The following ANKS1B variants were observed in gnomAD, a reference collection of about 807,000 sequenced individuals.
The protein encoded by ANKS1B is ankyrin repeat and sterile alpha motif domain-containing protein 1B.
In ANKS1B, 36 loss-of-function variants were observed where a neutral mutation model predicts 148.3. The observed-to-expected ratio is 0.24, with a 90% confidence interval of 0.19 to 0.32. The LOEUF (loss-of-function observed/expected upper bound fraction) is 0.32, where lower values mean the gene tolerates loss of function less well. Ranked by LOEUF, ANKS1B falls within the 10% of genes least tolerant of loss-of-function variation. The pLI, the probability that ANKS1B is intolerant of heterozygous loss-of-function variation, is 1.00. For synonymous variants in ANKS1B, 542 were observed against 560.8 expected (o/e 0.97, Z 0.47); for missense variants, 1,157 against 1,542.6 (o/e 0.75, Z 4.19).
chr12:99,975,618 C>T (rs747095867), intron 1 of ANKS1B, among the ~76,000 whole-genome samples: 18 of 152,112 alleles, frequency 1.2e-4, no homozygotes, highest in Non-Finnish European at 1.9e-4. Context: ...TGTATGTCTT[C>T]TTTTGAGAAA....
At chr12:99,839,597 T>C (rs971620574) in intron 1 of ANKS1B, among the ~76,000 whole-genome samples, 20 of 152,192 alleles carry the variant, frequency 1.3e-4, no homozygotes, top group African/African-American at 4.8e-4. Flanking sequence ...AATTATTTTC[T>C]TTAACATACT....
chr12:99,968,475 G>A (rs535305090), intron 1 of ANKS1B, among the ~76,000 whole-genome samples: 14 of 152,214 alleles, frequency 9.2e-5, no homozygotes, highest in East Asian at 3.9e-4. Flanking sequence ...GGAGAATGGC[G>A]TGAACCCTGG....
At chr12:98,842,603 G>GA (rs1472544482) in intron 17 of ANKS1B, among the ~76,000 whole-genome samples, 1 of 152,100 alleles carries the variant, frequency 6.6e-6, no homozygotes, top group African/African-American at 2.4e-5. Flanking sequence ...AGTTGTTTTT[G>GA]AAAAAAGAAT....
At chr12:99,759,094 T>C (rs903328346) in intron 8 of ANKS1B, among the ~76,000 whole-genome samples, 1 of 151,914 alleles carries the variant, frequency 6.6e-6, no homozygotes, top group Non-Finnish European at 1.5e-5. Flanking sequence ...TTTATTCCCT[T>C]GACTAAGCAT....
At chr12:99,727,073 C>T (rs2058689179) in intron 8 of ANKS1B, among the ~76,000 whole-genome samples, 2 of 152,210 alleles carry the variant, frequency 1.3e-5, no homozygotes, top group Non-Finnish European at 2.9e-5. Context: ...CCTTTGAAAA[C>T]TGGTGCAAGA....
intron 14 of ANKS1B, among the ~76,000 whole-genome samples, chr12:99,236,494 G>A (rs1420999105): frequency 6.6e-6 from 1 of 152,142 alleles, no homozygotes; most frequent in Non-Finnish European, 1.5e-5. Flanking sequence ...AGACCATCAG[G>A]TCTCGTGAGA....
intron 17 of ANKS1B, among the ~76,000 whole-genome samples, chr12:98,990,359 A>AT (rs2099925855): frequency 6.6e-6 from 1 of 151,700 alleles, no homozygotes; most frequent in Non-Finnish European, 1.5e-5. Flanking sequence ...CCAACAAATG[A>AT]TTTTTAACTT....
chr12:99,078,300 A>AAT (rs1484598926), intron 16 of ANKS1B, among the ~76,000 whole-genome samples: 1 of 152,204 alleles, frequency 6.6e-6, no homozygotes, highest in Non-Finnish European at 1.5e-5. Flanking sequence ...TCACTGACCT[A>AAT]ATATATATGG....
chr12:99,521,667 G>T (rs1489971575), intron 9 of ANKS1B, among the ~76,000 whole-genome samples: 1 of 152,164 alleles, frequency 6.6e-6, no homozygotes, highest in Non-Finnish European at 1.5e-5. Context: ...ACCAGGCAGA[G>T]ACTCTTGTTC....
chr12:99,115,449 C>G (rs1228892661), intron 15 of ANKS1B, among the ~76,000 whole-genome samples: 1 of 152,088 alleles, frequency 6.6e-6, no homozygotes, highest in Non-Finnish European at 1.5e-5. Flanking sequence ...AAGAGAATAA[C>G]AGATACTTGG....
chr12:98,874,024 CTT>C (rs1246471706), intron 17 of ANKS1B, among the ~76,000 whole-genome samples: 3 of 152,136 alleles, frequency 2.0e-5, no homozygotes, highest in Non-Finnish European at 4.4e-5. Context: ...GAAAAGATGG[CTT>C]CAGATAATGG....
intron 17 of ANKS1B, among the ~76,000 whole-genome samples, chr12:99,021,676 C>A (rs2099945896): frequency 6.6e-6 from 1 of 152,082 alleles, no homozygotes; most frequent in South Asian, 2.1e-4. Flanking sequence ...TATAACCAAC[C>A]AGTGTGGACT....
At chr12:99,190,502 G>C (rs1416185182) in intron 14 of ANKS1B, among the ~76,000 whole-genome samples, 1 of 151,966 alleles carries the variant, frequency 6.6e-6, no homozygotes, top group Non-Finnish European at 1.5e-5. Flanking sequence ...GATATACAGA[G>C]CAATGGAACA....
At chr12:99,600,255 C>G (rs547354020) in intron 9 of ANKS1B, among the ~76,000 whole-genome samples, 1 of 152,014 alleles carries the variant, frequency 6.6e-6, no homozygotes, top group Non-Finnish European at 1.5e-5. Flanking sequence ...TCTTAAAAGG[C>G]TTTGGGAAAA....
chr12:99,203,453 C>CT lies in ANKS1B; in HGVS notation c.2419+40888dup, dbSNP rs781209215. ...AGGTTCTGTTAAGACCTGCTTCTTTCTTTTTTTTTTTTTTTGAGACGGAGT... is the reference window on the plus strand; with the variant it reads ...AGGTTCTGTTAAGACCTGCTTCTTTCTTTTTTTTTTTTTTTTGAGACGGAGT... On this transcript the variant is annotated intron_variant, in intron 14 of 26. Coordinates refer to ENST00000683438, the MANE Select transcript of ANKS1B (RefSeq NM_001352186.2). Among the ~76,000 whole-genome samples, 606 of 142,962 alleles carry CT rather than the reference C, an allele frequency of 4.2e-3. 1 individual carries two copies. Among genetic ancestry groups the CT allele is most frequent in the African/African-American group, 7.1e-3 (277 of 39,270 alleles). 93.8% of individuals were successfully genotyped at this position (142,962 alleles called of 152,430 possible).
At position 98,989,467 on chromosome 12, in the gene ANKS1B, C is replaced by T. The variant is rs569683305; in HGVS notation, c.2778+63690G>A. Among the ~76,000 whole-genome samples the T allele has an allele frequency of 1.2e-3, 176 of 152,148 alleles. 3 individuals carry two copies. Among genetic ancestry groups the T allele is most frequent in the Admixed American group, 3.0e-3 (46 of 15,260 alleles). Reference sequence around the variant, plus strand: ...TACTTTATTTTGTTCCATTGGTTTACGTGTCTATTTTTATGCCAGTACCAG... The same window carrying T: ...TACTTTATTTTGTTCCATTGGTTTATGTGTCTATTTTTATGCCAGTACCAG... On this transcript the variant is annotated intron_variant, in intron 17 of 26. Coordinates refer to ENST00000683438, the MANE Select transcript of ANKS1B (RefSeq NM_001352186.2).
chr12:99,967,390 C>T (rs1028358100), intron 1 of ANKS1B, among the ~76,000 whole-genome samples: 8 of 152,114 alleles, frequency 5.3e-5, no homozygotes, highest in African/African-American at 1.9e-4. Flanking sequence ...AGTCTGCATT[C>T]AAACTCAAGA....
At chr12:99,635,314 G>A (rs1225537643) in intron 9 of ANKS1B, among the ~76,000 whole-genome samples, 1 of 152,218 alleles carries the variant, frequency 6.6e-6, no homozygotes. Flanking sequence ...CCATATTATA[G>A]AAGCATTTTT....
intron 8 of ANKS1B, among the ~76,000 whole-genome samples, chr12:99,673,806 TTAATA>T (rs1376546784): frequency 6.6e-5 from 10 of 151,834 alleles, no homozygotes; most frequent in Non-Finnish European, 1.2e-4. Context: ...ACAATATTTA[TTAATA>T]TAATTATAGA....
Sources: gnomAD v4.1 joint callset for allele counts (sites outside exome capture counted in the v4.1 genomes callset) on GRCh38, gnomAD v4.1.1 for gene constraint, MANE v1.5 for transcripts, NCBI Gene and HGNC (gene_info 2026-07-23, HGNC 2026-07-21) for gene names.